The following CDH18 variants were observed in gnomAD, a reference collection of about 807,000 sequenced individuals.
The protein encoded by CDH18 is cadherin-18.
A neutral mutation model predicts 67.9 loss-of-function variants in CDH18; 31 were observed. That is an observed-to-expected ratio of 0.46 (90% CI 0.34 to 0.62). The LOEUF (loss-of-function observed/expected upper bound fraction) is 0.62. CDH18 is among the 20% of genes least tolerant of loss of function. CDH18 has a pLI of 0.01. For synonymous variants in CDH18, 362 were observed against 347.2 expected, an observed-to-expected ratio of 1.04 and a Z score of -0.48; for missense variants, 890 against 975.5, an observed-to-expected ratio of 0.91 and a Z score of 1.17.
At chr5:19,652,141 T>G (rs1755670043) in intron 5 of CDH18, among the ~76,000 whole-genome samples, 1 of 151,974 alleles carries the variant, frequency 6.6e-6, no homozygotes, top group East Asian at 1.9e-4. Context: ...TTCTTTTTAA[T>G]ATAATTATTA....
intron 4 of CDH18, among the ~76,000 whole-genome samples, chr5:19,732,507 A>T (rs1012683594): frequency 1.3e-5 from 2 of 152,160 alleles, no homozygotes; most frequent in Admixed American, 6.6e-5. Context: ...TTGTCTCAAA[A>T]AAATAAATAA....
Position 19,860,541 on chromosome 5 carries a change from T to C in CDH18, c.-256-21299A>G, listed in dbSNP as rs373263024. ...TTTTAAAAAAATACCATTTTTATAT[T>C]GGTCTGACTTGTCCCTCAAATATAT... On this transcript the variant is annotated intron_variant, in intron 2 of 12. Coordinates refer to ENST00000382275, the MANE Select transcript of CDH18 (RefSeq NM_004934.5). Among the ~76,000 whole-genome samples the C allele has an allele frequency of 2.6e-5, 4 of 151,958 alleles. No individual in the cohort carries two copies. The East Asian group carries it at 5.8e-4, about 22-fold the overall frequency.
intron 3 of CDH18, among the ~76,000 whole-genome samples, chr5:19,801,082 A>T (rs746174379): frequency 3.3e-5 from 5 of 152,188 alleles, no homozygotes; most frequent in Non-Finnish European, 5.9e-5. Flanking sequence ...ACTGCACTCC[A>T]GCCTGGGCAA....
At chr5:20,111,885 A>T (rs997149073) in intron 2 of CDH18, among the ~76,000 whole-genome samples, 8 of 152,196 alleles carry the variant, frequency 5.3e-5, no homozygotes, top group African/African-American at 1.7e-4. Context: ...CAATATAATT[A>T]CAATGTACTT....
intron 7 of CDH18, among the ~76,000 whole-genome samples, chr5:19,575,991 G>C (rs1561384048): frequency 6.6e-6 from 1 of 152,068 alleles, no homozygotes; most frequent in Non-Finnish European, 1.5e-5. Flanking sequence ...TTTCTTCCAG[G>C]GGAAACATAG....
At chr5:19,479,598 C>G (rs1739055417) in intron 12 of CDH18, among the ~76,000 whole-genome samples, 2 of 152,114 alleles carry the variant, frequency 1.3e-5, no homozygotes, top group African/African-American at 4.8e-5. Flanking sequence ...CATCTTCTCA[C>G]CAATTCCATC....
At chr5:19,799,911 T>C (rs1284014347) in intron 3 of CDH18, among the ~76,000 whole-genome samples, 1 of 152,176 alleles carries the variant, frequency 6.6e-6, no homozygotes, top group Non-Finnish European at 1.5e-5. Flanking sequence ...TCCCCAGTTT[T>C]TCTGTTCAAG....
At chr5:19,905,990 T>G (rs1790491819) in intron 2 of CDH18, among the ~76,000 whole-genome samples, 1 of 152,084 alleles carries the variant, frequency 6.6e-6, no homozygotes, top group South Asian at 2.1e-4. Flanking sequence ...CAAGTTATAT[T>G]TTCTCCTCTA....
chr5:19,960,418 A>G (rs1796676391), intron 2 of CDH18, among the ~76,000 whole-genome samples: 1 of 151,588 alleles, frequency 6.6e-6, no homozygotes, highest in South Asian at 2.1e-4. Flanking sequence ...AATGTTTTCC[A>G]CCTGCACATC....
intron 1 of CDH18, among the ~76,000 whole-genome samples, chr5:20,330,294 ACT>A (rs958719610): frequency 6.6e-6 from 1 of 152,042 alleles, no homozygotes; most frequent in Non-Finnish European, 1.5e-5. Context: ...ATGATTGAAC[ACT>A]CTATTTGATA....
chr5:19,841,178 T>C (rs1040581366), intron 2 of CDH18, among the ~76,000 whole-genome samples: 2 of 152,204 alleles, frequency 1.3e-5, no homozygotes, highest in African/African-American at 4.8e-5. Flanking sequence ...ATTAGAGTAA[T>C]TGGAATTTCA....
intron 1 of CDH18, among the ~76,000 whole-genome samples, chr5:20,492,681 A>G (rs1053191583): frequency 2.0e-5 from 3 of 152,226 alleles, no homozygotes; most frequent in African/African-American, 7.2e-5. Context: ...AGACATATTT[A>G]AGATATTTCA....
chr5:19,889,080 A>G (rs539162206), intron 2 of CDH18, among the ~76,000 whole-genome samples: 1 of 152,118 alleles, frequency 6.6e-6, no homozygotes, highest in Non-Finnish European at 1.5e-5. Flanking sequence ...TAACCTAATA[A>G]ATGTAAATAC....
intron 1 of CDH18, among the ~76,000 whole-genome samples, chr5:20,268,587 A>T (rs1272467464): frequency 6.6e-6 from 1 of 152,100 alleles, no homozygotes; most frequent in Admixed American, 6.6e-5. Flanking sequence ...CATTTTAAAA[A>T]TTAGCTGGGC....
At chr5:20,084,308 C>A (rs180858486) in intron 2 of CDH18, among the ~76,000 whole-genome samples, 1 of 152,210 alleles carries the variant, frequency 6.6e-6, no homozygotes, top group Non-Finnish European at 1.5e-5. Flanking sequence ...TGACTCCATG[C>A]CTCACATCCA....
chr5:20,312,186 AAC>A (rs1737057902), intron 1 of CDH18, among the ~76,000 whole-genome samples: 1 of 152,196 alleles, frequency 6.6e-6, no homozygotes, highest in Non-Finnish European at 1.5e-5. Flanking sequence ...GTCCTCAGCT[AAC>A]ACAGTGAATG....
chr5:19,837,062 G>T (rs1581577222), intron 3 of CDH18, among the ~76,000 whole-genome samples: 1 of 152,154 alleles, frequency 6.6e-6, no homozygotes, highest in African/African-American at 2.4e-5. Flanking sequence ...ATTTATACCA[G>T]GGAATACTAT....
intron 3 of CDH18, among the ~76,000 whole-genome samples, chr5:19,815,504 C>T (rs1460603566): frequency 2.6e-5 from 4 of 151,382 alleles, no homozygotes; most frequent in Non-Finnish European, 5.9e-5. Context: ...ATGATTTATT[C>T]TCTCTTTAAC....
intron 1 of CDH18, among the ~76,000 whole-genome samples, chr5:20,551,749 A>G (rs1757645783): frequency 6.6e-6 from 1 of 152,218 alleles, no homozygotes; most frequent in Non-Finnish European, 1.5e-5. Context: ...TTAAGAAATC[A>G]TAAATTTCTA....
Sources: gnomAD v4.1 joint callset for allele counts (sites outside exome capture counted in the v4.1 genomes callset) on GRCh38, gnomAD v4.1.1 for gene constraint, MANE v1.5 for transcripts, NCBI Gene and HGNC (gene_info 2026-07-23, HGNC 2026-07-21) for gene names.